ROBO1: variants seen among roughly 807,000 people sequenced by gnomAD.
The protein encoded by ROBO1 is roundabout homolog 1.
A neutral mutation model predicts 195.9 loss-of-function variants in ROBO1; 149 were observed. That is an observed-to-expected ratio of 0.76 (90% CI 0.67 to 0.87). ROBO1 has a LOEUF of 0.87. Among genes scored for constraint, ROBO1 ranks in the 40% least tolerant of loss-of-function variants. ROBO1 has a pLI of 0.00. For synonymous variants in ROBO1, 816 were observed against 733.2 expected (o/e 1.11, Z -1.82); for missense variants, 1,933 against 2,068.3 (o/e 0.93, Z 1.27).
At chr3:79,430,150 T>C (rs527555016) in intron 2 of ROBO1, among the ~76,000 whole-genome samples, 36 of 152,172 alleles carry the variant, frequency 2.4e-4, no homozygotes, top group South Asian at 1.7e-3. Flanking sequence ...AGACTTTAAC[T>C]AAATCAACTT....
At position 79,603,278 on chromosome 3, in the gene ROBO1, T is replaced by C. The variant is rs553530498; in HGVS notation, c.-50-13317A>G. On this transcript the variant is annotated intron_variant, in intron 1 of 30. Transcript: ENST00000464233. ...TCATCAGGGAGACCAGGCAGTTTCC[T>C]GAATAACAGGTTTCATTACCTTGCC... 9.0e-4 allele frequency among the ~76,000 whole-genome samples: 137 copies of C among 152,004 alleles called. 6 individuals are homozygous for C. The South Asian group carries it at 0.028, about 31-fold the overall frequency.
intron 18 of ROBO1, among the ~76,000 whole-genome samples, chr3:78,656,234 T>C (rs547949896): frequency 1.7e-4 from 26 of 152,160 alleles, no homozygotes; most frequent in Non-Finnish European, 2.9e-4. Context: ...CTACCTTTTG[T>C]TATAATAAAC....
chr3:79,387,770 G>A (rs1377222708), intron 2 of ROBO1, among the ~76,000 whole-genome samples: 2 of 152,132 alleles, frequency 1.3e-5, no homozygotes, highest in Non-Finnish European at 2.9e-5. Flanking sequence ...AGCCATTAGA[G>A]TAAAAGAACC....
intron 3 of ROBO1, among the ~76,000 whole-genome samples, chr3:79,022,039 C>T (rs953062127): frequency 6.6e-6 from 1 of 152,202 alleles, no homozygotes; most frequent in African/African-American, 2.4e-5. Flanking sequence ...CTGATGAAGA[C>T]TATCATCACC....
chr3:79,296,527 C>T (rs1448413254), intron 2 of ROBO1, among the ~76,000 whole-genome samples: 2 of 152,242 alleles, frequency 1.3e-5, no homozygotes, highest in Non-Finnish European at 2.9e-5. Flanking sequence ...TAACCCAAAC[C>T]TTTCATGTTG....
intron 2 of ROBO1, among the ~76,000 whole-genome samples, chr3:79,447,346 T>C (rs2107172836): frequency 6.6e-6 from 1 of 151,912 alleles, no homozygotes; most frequent in East Asian, 1.9e-4. Context: ...TTTTAAGTGG[T>C]TCTATAGGAC....
intron 2 of ROBO1, among the ~76,000 whole-genome samples, chr3:79,229,581 G>C (rs1417837355): frequency 2.6e-5 from 4 of 152,010 alleles, no homozygotes; most frequent in Non-Finnish European, 4.4e-5. Context: ...TTACAGACTT[G>C]AGCCACAGTG....
intron 1 of ROBO1, among the ~76,000 whole-genome samples, chr3:79,673,339 A>AGGGT (rs1946685398): frequency 6.6e-6 from 1 of 151,600 alleles, no homozygotes; most frequent in South Asian, 2.1e-4. Context: ...TGGGTGTGTG[A>AGGGT]GGGTGTGTAT....
intron 2 of ROBO1, among the ~76,000 whole-genome samples, chr3:79,337,464 T>C (rs2034726485): frequency 6.6e-6 from 1 of 152,144 alleles, no homozygotes; most frequent in African/African-American, 2.4e-5. Flanking sequence ...CTCACTTCTC[T>C]CTCCTGCCAC....
intron 3 of ROBO1, among the ~76,000 whole-genome samples, chr3:79,070,155 G>C (rs982192220): frequency 5.9e-5 from 9 of 151,902 alleles, no homozygotes; most frequent in African/African-American, 1.9e-4. Context: ...AAGAATCTTT[G>C]AATGTCTTAA....
At chr3:78,778,710 C>G (rs1186376312) in intron 4 of ROBO1, among the ~76,000 whole-genome samples, 1 of 152,102 alleles carries the variant, frequency 6.6e-6, no homozygotes, top group Non-Finnish European at 1.5e-5. Context: ...TTTATAGATT[C>G]AACGGTATTC....
intron 7 of ROBO1, among the ~76,000 whole-genome samples, chr3:78,717,071 G>A (rs1011392462): frequency 6.6e-6 from 1 of 152,036 alleles, no homozygotes; most frequent in African/African-American, 2.4e-5. Flanking sequence ...GCAGCCCAGG[G>A]TCACGAATGC....
intron 2 of ROBO1, among the ~76,000 whole-genome samples, chr3:79,545,414 T>A (rs1559980256): frequency 6.6e-6 from 1 of 152,154 alleles, no homozygotes; most frequent in African/African-American, 2.4e-5. Flanking sequence ...AAATAGACAG[T>A]CCCTGCATTT....
At chr3:78,700,006 T>C (rs2081385165) in intron 8 of ROBO1, among the ~76,000 whole-genome samples, 1 of 152,236 alleles carries the variant, frequency 6.6e-6, no homozygotes, top group African/African-American at 2.4e-5. Flanking sequence ...ATAGTTAAAA[T>C]TATACATTTG....
intron 2 of ROBO1, among the ~76,000 whole-genome samples, chr3:79,470,220 C>T (rs146819129): frequency 0.034 from 5,229 of 152,164 alleles, 208 homozygotes; most frequent in African/African-American, 0.098. Flanking sequence ...CCATGGAATA[C>T]TATGCAGCCA....
chr3:79,215,102 T>C (rs2082032146), intron 2 of ROBO1, among the ~76,000 whole-genome samples: 1 of 152,082 alleles, frequency 6.6e-6, no homozygotes, highest in African/African-American at 2.4e-5. Context: ...GGACCATCTG[T>C]AGGTGGGTCA....
intron 4 of ROBO1, among the ~76,000 whole-genome samples, chr3:78,780,023 C>T (rs1026644835): frequency 2.6e-5 from 4 of 152,226 alleles, no homozygotes; most frequent in Non-Finnish European, 2.9e-5. Flanking sequence ...CTGAACACCA[C>T]GTGATCTCAC....
intron 2 of ROBO1, among the ~76,000 whole-genome samples, chr3:79,145,358 AAT>A (rs1559692368): frequency 1.4e-5 from 2 of 145,324 alleles, no homozygotes; most frequent in African/African-American, 2.5e-5. Context: ...TGATGCCAGA[AAT>A]ACACACACAC....
intron 2 of ROBO1, among the ~76,000 whole-genome samples, chr3:79,427,002 T>C (rs2038474088): frequency 6.6e-6 from 1 of 152,172 alleles, no homozygotes; most frequent in Non-Finnish European, 1.5e-5. Context: ...ATCCCGGTTT[T>C]ATAAAACAAA....
Sources: allele counts gnomAD v4.1 joint callset (sites outside exome capture counted in the v4.1 genomes callset), GRCh38; gene constraint gnomAD v4.1.1; transcripts MANE v1.5; gene names NCBI Gene and HGNC (gene_info 2026-07-23, HGNC 2026-07-21).